Variants in ELF2 observed in about 807,000 individuals in gnomAD.
ELF2 encodes E74 like ETS transcription factor 2.
ELF2 carries 11 observed loss-of-function variants against 54.8 expected under a neutral mutation model. That is an observed-to-expected ratio of 0.20 (90% CI 0.13 to 0.33). The LOEUF is 0.33. ELF2 is among the 10% of genes least tolerant of loss of function. The probability of loss-of-function intolerance (pLI) is 1.00; values close to 1 mark genes in which losing one functional copy is unlikely to be tolerated. For missense variants in ELF2, 513 were observed against 703.0 expected, an observed-to-expected ratio of 0.73 and a Z score of 3.06; for synonymous variants, 203 against 245.1, an observed-to-expected ratio of 0.83 and a Z score of 1.61.
intron 4 of ELF2, chr4:139,084,433 G>A: frequency 8.4e-7 from 1 of 1,183,982 alleles, no homozygotes; most frequent in South Asian, 3.3e-5. Context: ...GGGCGGCAGG[G>A]GCAGGGGCGG....
chr4:139,079,965 T>G (rs1253802167), intron 4 of ELF2, among the ~76,000 whole-genome samples: 1 of 152,250 alleles, frequency 6.6e-6, no homozygotes, highest in Non-Finnish European at 1.5e-5. Flanking sequence ...AAACAGTATT[T>G]GTCTACTCAC....
intron 4 of ELF2, among the ~76,000 whole-genome samples, chr4:139,109,939 A>C (rs1320408684): frequency 6.6e-6 from 1 of 152,234 alleles, no homozygotes; most frequent in Non-Finnish European, 1.5e-5. Flanking sequence ...AGCATCATGC[A>C]GTATACTCTC....
intron 3 of ELF2, among the ~76,000 whole-genome samples, chr4:139,126,316 A>C (rs1263078233): frequency 6.6e-6 from 1 of 152,008 alleles, no homozygotes; most frequent in Non-Finnish European, 1.5e-5. Flanking sequence ...CAGGAGGTCC[A>C]CTATCTGAAT....
intron 7 of ELF2, chr4:139,066,067 T>C (rs1728665729): frequency 6.8e-6 from 1 of 146,176 alleles, no homozygotes; most frequent in Admixed American, 7.1e-5. Context: ...TTGGTAGGCT[T>C]ACTGGAGACA....
At chr4:139,150,690 GA>G (rs1343938357) in intron 1 of ELF2, among the ~76,000 whole-genome samples, 1 of 151,920 alleles carries the variant, frequency 6.6e-6, no homozygotes, top group Non-Finnish European at 1.5e-5. Flanking sequence ...CATGCAAATT[GA>G]AAACTTAATA....
intron 4 of ELF2, among the ~76,000 whole-genome samples, chr4:139,080,115 G>A (rs1350354292): frequency 1.3e-5 from 2 of 152,132 alleles, no homozygotes; most frequent in African/African-American, 4.8e-5. Flanking sequence ...AGAACATTCT[G>A]CTGCCTGCCC....
At chr4:139,082,676 C>T (rs547780281) in intron 4 of ELF2, among the ~76,000 whole-genome samples, 8 of 152,198 alleles carry the variant, frequency 5.3e-5, no homozygotes, top group African/African-American at 9.6e-5. Flanking sequence ...ATTTCAAGTC[C>T]CTTACCTAAA....
chr4:139,063,108 T>C (rs1364079251), intron 7 of ELF2, among the ~76,000 whole-genome samples: 1 of 151,880 alleles, frequency 6.6e-6, no homozygotes, highest in African/African-American at 2.4e-5. Context: ...AAATATAAAA[T>C]TTAGCTGCGC....
chr4:139,148,514 C>T (rs1254297765), intron 1 of ELF2, among the ~76,000 whole-genome samples: 1 of 151,656 alleles, frequency 6.6e-6, no homozygotes, highest in South Asian at 2.1e-4. Context: ...CTTTCACTTA[C>T]AATAAAGTTT....
intron 4 of ELF2, among the ~76,000 whole-genome samples, chr4:139,099,490 A>G (rs924754512): frequency 3.3e-5 from 5 of 152,218 alleles, no homozygotes; most frequent in African/African-American, 1.2e-4. Context: ...AAATACATGA[A>G]TTCAGGTAAG....
intron 4 of ELF2, chr4:139,115,004 T>G: frequency 6.2e-7 from 1 of 1,613,754 alleles, no homozygotes; most frequent in Non-Finnish European, 8.5e-7. Context: ...AAGGCCTCTG[T>G]GGGTTTGTAA....
chr4:139,101,023 T>C (rs1733830245), intron 4 of ELF2, among the ~76,000 whole-genome samples: 1 of 152,188 alleles, frequency 6.6e-6, no homozygotes, highest in Non-Finnish European at 1.5e-5. Flanking sequence ...GATTTGGTAA[T>C]GGACTGGGAG....
chr4:139,075,870 C>T (rs1054555523), intron 4 of ELF2, among the ~76,000 whole-genome samples: 2 of 152,102 alleles, frequency 1.3e-5, no homozygotes, highest in Non-Finnish European at 2.9e-5. Context: ...CTTAGTAAGA[C>T]GTTCTGAAAC....
At chr4:139,083,452 ACAT>A (rs946614556) in intron 4 of ELF2, among the ~76,000 whole-genome samples, 10 of 152,170 alleles carry the variant, frequency 6.6e-5, no homozygotes, top group Non-Finnish European at 8.8e-5. Flanking sequence ...GGCCCCTGAA[ACAT>A]CATCCCGGTT....
Position 139,083,681 on chromosome 4 carries a change from G to A in ELF2, c.239-10114C>T, listed in dbSNP as rs563454167. ...GGGGTGGCGAGCGTTCGCCGGAGAA[G>A]CCCGCCGCCCCCGAACGCGGGCAGC... is the stretch of plus-strand genomic sequence containing the variant. On this transcript the variant is annotated intron_variant, in intron 4 of 9. Transcript: ENST00000686138. Among the ~76,000 whole-genome samples, 62 of 152,338 alleles carry A rather than the reference G, an allele frequency of 4.1e-4. No individual in the cohort carries two copies. In the South Asian group the frequency reaches 0.012, roughly 31 times the overall value.
chr4:139,070,431 C>T (rs1476259981), intron 6 of ELF2, among the ~76,000 whole-genome samples: 3 of 152,012 alleles, frequency 2.0e-5, no homozygotes, highest in Non-Finnish European at 2.9e-5. Flanking sequence ...GCTGGGACTA[C>T]AGGCATGCAA....
At chr4:139,114,555 TCAGTCTCACACACACACACACA>T (rs1560826020) in intron 4 of ELF2, among the ~76,000 whole-genome samples, 1 of 115,104 alleles carries the variant, frequency 8.7e-6, no homozygotes, top group Non-Finnish European at 1.7e-5. Context: ...GAGCGAGACT[TCAGTCTCACACACACACACACA>T]CACACACACA....
chr4:139,076,452 A>C (rs191147552), intron 4 of ELF2, among the ~76,000 whole-genome samples: 309 of 152,124 alleles, frequency 2.0e-3, no homozygotes, highest in African/African-American at 7.1e-3. Flanking sequence ...AAAAAAAAAA[A>C]CCTTCAATTC....
Position 139,122,566 on chromosome 4 carries a change from A to G in ELF2, c.238+2598T>C, listed in dbSNP as rs138909894. On this transcript the variant is annotated intron_variant, in intron 4 of 9. Coordinates refer to ENST00000686138, the MANE Select transcript of ELF2 (RefSeq NM_001331036.3). ...CCCCAGCCTGGAGTGCAGTAGCACT[A>G]TCTTGGTTCACCACAACCTCCACCT... Among the ~76,000 whole-genome samples, 518 of 152,102 alleles carry G rather than the reference A, an allele frequency of 3.4e-3. 2 individuals are homozygous for G. Among genetic ancestry groups the G allele is most frequent in the African/African-American group, 0.011 (468 of 41,492 alleles).
Sources: allele counts gnomAD v4.1 joint callset (sites outside exome capture counted in the v4.1 genomes callset), GRCh38; gene constraint gnomAD v4.1.1; transcripts MANE v1.5; gene names NCBI Gene and HGNC (gene_info 2026-07-23, HGNC 2026-07-21).